Variants in PDE11A observed in about 807,000 individuals in gnomAD.
PDE11A encodes phosphodiesterase 11A.
In PDE11A, 100 loss-of-function variants were observed where a neutral mutation model predicts 100.5. The ratio of observed to expected loss-of-function variants is 1.00; its 90% CI spans 0.85 to 1.18. PDE11A has a LOEUF of 1.18. Among genes scored for constraint, PDE11A ranks in the 50% most tolerant of loss-of-function variants. The pLI, the probability that PDE11A is intolerant of heterozygous loss-of-function variation, is 0.00. For synonymous variants in PDE11A, 381 were observed against 420.8 expected (o/e 0.91, Z 1.16); for missense variants, 1,141 against 1,152.6 (o/e 0.99, Z 0.15).
rs1481773151 is a variant in PDE11A at position 177,817,902 on chromosome 2, G to C, written c.1600C>G (p.Leu534Val). 1 of 1,538,508 alleles carries C rather than the reference G, an allele frequency of 6.5e-7. No individual in the cohort carries two copies. The highest frequency in any genetic ancestry group is 9.0e-7 in the Non-Finnish European group (1 of 1,113,010). ...GCATCATCAAAAGGTTTCCCATCAA[G>C]TCTGTTTAACACTTGAGCCACTCCT... Reference protein sequence around the residue: ...IIGVAQVLNRLDGKPFDDADQ... With the variant: ...IIGVAQVLNRVDGKPFDDADQ... The change falls in exon 8 of 20, where the codon CTT (leucine) becomes GTT (valine). Residue 534 changes from leucine (L) to valine (V), a missense_variant. Coordinates refer to ENST00000286063, the MANE Select transcript of PDE11A (RefSeq NM_016953.4).
At chr2:177,631,291 C>CAAA (rs869059416) in intron 19 of PDE11A, among the ~76,000 whole-genome samples, 32 of 11,834 alleles carry the variant, frequency 2.7e-3, no homozygotes, top group South Asian at 0.012. Context: ...ACTAAAAATG[C>CAAA]AAAAAAAAAA....
At chr2:177,777,431 T>C (rs1364750182) in intron 9 of PDE11A, among the ~76,000 whole-genome samples, 1 of 152,218 alleles carries the variant, frequency 6.6e-6, no homozygotes, top group African/African-American at 2.4e-5. Flanking sequence ...ACATAAATAA[T>C]ATTATATGGC....
intron 2 of PDE11A, among the ~76,000 whole-genome samples, chr2:178,098,579 G>A (rs1453420239): frequency 6.6e-6 from 1 of 152,136 alleles, no homozygotes; most frequent in African/African-American, 2.4e-5. Flanking sequence ...AATTGTAGAG[G>A]CACATGGATA....
intron 2 of PDE11A, among the ~76,000 whole-genome samples, chr2:178,008,074 A>G (rs1046866815): frequency 3.3e-5 from 5 of 152,198 alleles, no homozygotes; most frequent in Non-Finnish European, 4.4e-5. Flanking sequence ...AAAAGGAAAA[A>G]AAATGAAATG....
At chr2:177,920,863 C>T (rs1225888363) in intron 2 of PDE11A, among the ~76,000 whole-genome samples, 1 of 152,034 alleles carries the variant, frequency 6.6e-6, no homozygotes, top group African/African-American at 2.4e-5. Context: ...GAGATCCAGA[C>T]CATCCTGGCT....
At chr2:177,776,612 C>A (rs373409589) in intron 9 of PDE11A, among the ~76,000 whole-genome samples, 2 of 152,052 alleles carry the variant, frequency 1.3e-5, no homozygotes, top group East Asian at 3.9e-4. Context: ...GGAGACAGGG[C>A]CTTTGAAGAG....
chr2:177,970,111 C>A (rs928960628), intron 2 of PDE11A, among the ~76,000 whole-genome samples: 1 of 152,098 alleles, frequency 6.6e-6, no homozygotes, highest in Non-Finnish European at 1.5e-5. Context: ...AAAATTCCAA[C>A]GTAAATCAAG....
chr2:178,097,589 G>C (rs920867997), intron 2 of PDE11A, among the ~76,000 whole-genome samples: 2 of 152,166 alleles, frequency 1.3e-5, no homozygotes, highest in African/African-American at 4.8e-5. Flanking sequence ...TTTGAGATGA[G>C]ATTTGGATGG....
intron 2 of PDE11A, among the ~76,000 whole-genome samples, chr2:177,947,368 G>T (rs956530638): frequency 6.6e-6 from 1 of 151,744 alleles, no homozygotes; most frequent in African/African-American, 2.4e-5. Context: ...GATGGTTGCC[G>T]TGTCTGTGTA....
intron 2 of PDE11A, chr2:177,998,160 T>A: frequency 1.0e-6 from 1 of 962,758 alleles, no homozygotes; most frequent in Non-Finnish European, 1.7e-6. Context: ...TTACTGTCTG[T>A]AAGCTTTTTA....
At chr2:177,956,131 A>C (rs960048559) in intron 2 of PDE11A, among the ~76,000 whole-genome samples, 17 of 152,224 alleles carry the variant, frequency 1.1e-4, no homozygotes, top group East Asian at 3.9e-4. Flanking sequence ...CAACCTACAG[A>C]ATGGGAGAAA....
At chr2:178,058,889 C>T (rs997017190) in intron 1 of PDE11A, among the ~76,000 whole-genome samples, 1 of 152,136 alleles carries the variant, frequency 6.6e-6, no homozygotes, top group African/African-American at 2.4e-5. Flanking sequence ...GGAGAGTTTG[C>T]CATTCTCATT....
chr2:178,085,629 G>A (rs1255905372), intron 2 of PDE11A, among the ~76,000 whole-genome samples: 1 of 152,138 alleles, frequency 6.6e-6, no homozygotes, highest in East Asian at 1.9e-4. Context: ...ATTACTAGCT[G>A]TGTTTAACAA....
intron 13 of PDE11A, among the ~76,000 whole-genome samples, chr2:177,705,715 T>A (rs1391613967): frequency 6.6e-6 from 1 of 152,140 alleles, no homozygotes; most frequent in Non-Finnish European, 1.5e-5. Flanking sequence ...AAAGGAAAAC[T>A]ATGAAAGGTA....
intron 12 of PDE11A, among the ~76,000 whole-genome samples, chr2:177,722,689 T>C (rs1217794114): frequency 1.3e-5 from 2 of 152,190 alleles, no homozygotes; most frequent in Non-Finnish European, 2.9e-5. Context: ...TGTCTGGTGC[T>C]GATGTTCTGC....
At chr2:177,649,792 C>G (rs1291497849) in intron 19 of PDE11A, among the ~76,000 whole-genome samples, 1 of 152,138 alleles carries the variant, frequency 6.6e-6, no homozygotes. Flanking sequence ...GATCTCTTTT[C>G]TCTGATAATT....
At chr2:177,998,410 G>A (rs765663175) in intron 2 of PDE11A, 1 of 892,576 alleles carries the variant, frequency 1.1e-6, no homozygotes, top group Non-Finnish European at 1.9e-6. Flanking sequence ...ATACTCAACA[G>A]GGCATTGTTC....
intron 6 of PDE11A, among the ~76,000 whole-genome samples, chr2:177,832,099 C>T (rs1348619270): frequency 6.6e-6 from 1 of 152,114 alleles, no homozygotes; most frequent in Non-Finnish European, 1.5e-5. Flanking sequence ...TAATAATTGG[C>T]CACAGCCAGT....
intron 1 of PDE11A, among the ~76,000 whole-genome samples, chr2:178,046,149 C>T (rs1264830010): frequency 2.0e-5 from 3 of 152,190 alleles, no homozygotes; most frequent in Admixed American, 6.5e-5. Flanking sequence ...CTAAATCTTA[C>T]CACAGTGCCT....
Sources: gnomAD v4.1 joint callset for allele counts (sites outside exome capture counted in the v4.1 genomes callset) on GRCh38, gnomAD v4.1.1 for gene constraint, MANE v1.5 for transcripts, NCBI Gene and HGNC (gene_info 2026-07-23, HGNC 2026-07-21) for gene names.